The following MYO16 variants were observed in gnomAD, a reference collection of about 807,000 sequenced individuals.
MYO16 encodes the protein unconventional myosin-XVI.
MYO16 carries 94 observed loss-of-function variants against 205.3 expected under a neutral mutation model. That is an observed-to-expected ratio of 0.46 (90% CI 0.39 to 0.54). MYO16 has a LOEUF of 0.54. MYO16 is among the 20% of genes least tolerant of loss of function. The pLI is 0.00. For missense variants in MYO16, 2,315 were observed against 2,387.5 expected (o/e 0.97, Z 0.63); for synonymous variants, 988 against 954.0 (o/e 1.04, Z -0.66).
chr13:108,967,564 G>A (rs759640047), intron 20 of MYO16, among the ~76,000 whole-genome samples: 4 of 152,138 alleles, frequency 2.6e-5, no homozygotes, highest in East Asian at 1.9e-4. Flanking sequence ...TGCTTGGCCC[G>A]GACCCTGCGG....
chr13:109,198,805 C>A (rs1421990472), intron 34 of MYO16, among the ~76,000 whole-genome samples: 3 of 152,130 alleles, frequency 2.0e-5, no homozygotes, highest in Admixed American at 6.5e-5. Flanking sequence ...TAGGTAATTT[C>A]TTGTGGTCCC....
intron 23 of MYO16, among the ~76,000 whole-genome samples, chr13:109,032,723 A>C (rs1213598541): frequency 1.3e-5 from 2 of 152,222 alleles, no homozygotes; most frequent in East Asian, 1.9e-4. Context: ...ACACACATGC[A>C]TATTAGCCAT....
the MYO16 span, among the ~76,000 whole-genome samples, chr13:108,543,740 C>T: frequency 3.3e-4 from 41 of 125,150 alleles, no homozygotes; most frequent in South Asian, 7.7e-4. Context: ...TCCTTTTTTT[C>T]TTTTTTTTTT....
chr13:108,793,962 A>G (rs977230865), intron 6 of MYO16, among the ~76,000 whole-genome samples: 1 of 152,204 alleles, frequency 6.6e-6, no homozygotes, highest in Non-Finnish European at 1.5e-5. Flanking sequence ...GATAAAGAAA[A>G]CATCATCCAT....
chr13:109,205,354 G>A (rs1880555192), intron 34 of MYO16, among the ~76,000 whole-genome samples: 1 of 152,158 alleles, frequency 6.6e-6, no homozygotes, highest in Admixed American at 6.5e-5. Flanking sequence ...TGTTAGAATT[G>A]GGCCTGGATG....
At chr13:108,895,280 A>G (rs894711925) in intron 14 of MYO16, among the ~76,000 whole-genome samples, 2 of 152,140 alleles carry the variant, frequency 1.3e-5, no homozygotes, top group African/African-American at 4.8e-5. Flanking sequence ...TTCTTCATTT[A>G]TATTTTTATT....
At chr13:108,573,050 A>G in the MYO16 span, among the ~76,000 whole-genome samples, 1 of 152,206 alleles carries the variant, frequency 6.6e-6, no homozygotes, top group East Asian at 1.9e-4. Context: ...GCGAACATGC[A>G]GAATCTCTCA....
At chr13:108,789,112 G>A (rs9587686) in intron 5 of MYO16, among the ~76,000 whole-genome samples, 31,688 of 151,974 alleles carry the variant, frequency 0.21, 3,406 homozygotes, top group Middle Eastern at 0.22. Context: ...TAAGTATCTC[G>A]ACTTGAGTGT....
intron 2 of MYO16, among the ~76,000 whole-genome samples, chr13:108,709,130 G>A (rs1053767345): frequency 6.6e-6 from 1 of 151,978 alleles, no homozygotes; most frequent in East Asian, 1.9e-4. Context: ...ATTCTATTTG[G>A]TCCCCAGATG....
At chr13:108,593,845 C>T (rs1419613339), upstream of MYO16, among the ~76,000 whole-genome samples, 2 of 152,140 alleles carry the variant, frequency 1.3e-5, no homozygotes, top group African/African-American at 4.8e-5. Flanking sequence ...CCCTCTGTCC[C>T]AGCAATAATA....
At chr13:109,026,479 C>T (rs1056782429) in intron 23 of MYO16, among the ~76,000 whole-genome samples, 4 of 152,090 alleles carry the variant, frequency 2.6e-5, no homozygotes, top group Admixed American at 6.6e-5. Flanking sequence ...GGGCCAGATT[C>T]CAGAGTGCTG....
chr13:108,499,244 C>T, the MYO16 span, among the ~76,000 whole-genome samples: 3 of 152,178 alleles, frequency 2.0e-5, no homozygotes, highest in Admixed American at 1.3e-4. Context: ...TCTATAGTGA[C>T]ATTTCCTGAA....
intron 27 of MYO16, among the ~76,000 whole-genome samples, chr13:109,057,270 A>T (rs921210667): frequency 2.6e-5 from 4 of 152,180 alleles, no homozygotes; most frequent in Non-Finnish European, 5.9e-5. Context: ...TGAGCCTTCC[A>T]TTTTAAAGGG....
intron 21 of MYO16, among the ~76,000 whole-genome samples, chr13:108,993,720 A>G (rs373784293): frequency 3.9e-5 from 6 of 152,330 alleles, no homozygotes; most frequent in Non-Finnish European, 5.9e-5. Context: ...AAAAGTAATG[A>G]TGAACATAAG....
chr13:108,878,731 C>T (rs1251345463), intron 12 of MYO16, among the ~76,000 whole-genome samples: 1 of 152,244 alleles, frequency 6.6e-6, no homozygotes, highest in Non-Finnish European at 1.5e-5. Context: ...CCCCTAGACG[C>T]TACTATGGGG....
chr13:108,502,947 T>C, the MYO16 span, among the ~76,000 whole-genome samples: 2 of 152,220 alleles, frequency 1.3e-5, no homozygotes, highest in Admixed American at 1.3e-4. Context: ...ATAAAGAAAC[T>C]TAGTAGAACA....
chr13:109,001,296 C>T (rs1885204584), intron 21 of MYO16, among the ~76,000 whole-genome samples: 1 of 151,988 alleles, frequency 6.6e-6, no homozygotes. Flanking sequence ...TGGGTGGTAG[C>T]GAATGTGTGC....
At chr13:108,635,507 A>AT (rs72321840) in intron 1 of MYO16, among the ~76,000 whole-genome samples, 2,825 of 143,658 alleles carry the variant, frequency 0.02, 88 homozygotes, top group African/African-American at 0.062. Context: ...TTACCTATTT[A>AT]TTTTTTTTTT....
rs558524560 is a variant in MYO16 at position 108,759,641 on chromosome 13, G to A, written c.508-25994G>A. ...TTGAGACCATCCTGGCTAACACGGT[G>A]AAACCCCGTCTCTACTAAAAATACA... is the stretch of plus-strand genomic sequence containing the variant. On this transcript the variant is annotated intron_variant, in intron 4 of 34. Transcript: ENST00000457511. Among the ~76,000 whole-genome samples the A allele has an allele frequency of 5.3e-5, 8 of 152,158 alleles. 1 individual carries two copies. The South Asian group carries it at 1.2e-3, about 24-fold the overall frequency.
Sources: allele counts gnomAD v4.1 joint callset (sites outside exome capture counted in the v4.1 genomes callset), GRCh38; gene constraint gnomAD v4.1.1; transcripts MANE v1.5; gene names NCBI Gene and HGNC (gene_info 2026-07-23, HGNC 2026-07-21).